The following COBL variants were observed in gnomAD, a reference collection of about 807,000 sequenced individuals.
COBL encodes the protein cordon-bleu WH2 repeat protein, also known as protein cordon-bleu.
COBL carries 51 observed loss-of-function variants against 98.8 expected under a neutral mutation model. The observed-to-expected ratio is 0.52, with a 90% CI of 0.41 to 0.65. COBL has a LOEUF of 0.65. COBL is among the 30% of genes least tolerant of loss of function. COBL has a pLI of 0.00. For missense variants in COBL, 1,617 were observed against 1,617.5 expected (o/e 1.00, Z 0.01); for synonymous variants, 634 against 651.7 (o/e 0.97, Z 0.41).
chr7:51,261,565 A>G (rs145318910), intron 1 of COBL, among the ~76,000 whole-genome samples: 1 of 152,332 alleles, frequency 6.6e-6, no homozygotes, highest in East Asian at 1.9e-4. Flanking sequence ...TGTTTGGTGG[A>G]GAGCTGACGC....
intron 7 of COBL, among the ~76,000 whole-genome samples, chr7:51,064,163 G>C (rs1029125293): frequency 2.6e-5 from 4 of 152,188 alleles, no homozygotes; most frequent in Admixed American, 6.5e-5. Flanking sequence ...TAAGCCAATG[G>C]GTGTGTGGCA....
intron 2 of COBL, among the ~76,000 whole-genome samples, chr7:51,197,607 T>C (rs535912234): frequency 6.6e-6 from 1 of 152,282 alleles, no homozygotes; most frequent in African/African-American, 2.4e-5. Flanking sequence ...ATATTGTCAG[T>C]GGGGTGTTAA....
intron 4 of COBL, among the ~76,000 whole-genome samples, chr7:51,186,869 G>A (rs1302577740): frequency 6.6e-6 from 1 of 152,194 alleles, no homozygotes; most frequent in Non-Finnish European, 1.5e-5. Context: ...AAAATTTCCA[G>A]AGGCTGCCCA....
rs770546382 is a variant in COBL, at chr7:51,043,592, C to T, written c.1197G>A (p.Ala399=). 21 of 1,614,208 alleles carry T rather than the reference C, an allele frequency of 1.3e-5. No homozygotes were observed. The highest frequency in any genetic ancestry group is 6.7e-5 in the Admixed American group (4 of 60,026). Residue 399 remains alanine, a synonymous_variant, in exon 8 of 13, where the codon GCG becomes GCA. Transcript: ENST00000265136. ...CTGAGTCCTCGGTCGTGTCCTCCGA[C>T]GCAAAACAGCTGCCAACTGACACGG... ...EETVSVGSCF[A]SEDTTEDSGV... is the part of the protein sequence containing the mutation.
chr7:51,272,624 T>C (rs1004183741), intron 1 of COBL, among the ~76,000 whole-genome samples: 1 of 152,256 alleles, frequency 6.6e-6, no homozygotes, highest in African/African-American at 2.4e-5. Flanking sequence ...CAAGTTCCAA[T>C]CTAGATCTGA....
chr7:51,128,360 T>C (rs948512526), intron 6 of COBL, among the ~76,000 whole-genome samples: 4 of 152,140 alleles, frequency 2.6e-5, no homozygotes, highest in African/African-American at 9.7e-5. Context: ...AAGTGGGATA[T>C]GTGTGCGTGT....
intron 2 of COBL, among the ~76,000 whole-genome samples, chr7:51,195,810 T>G (rs1563023707): frequency 6.6e-6 from 1 of 152,168 alleles, no homozygotes; most frequent in African/African-American, 2.4e-5. Flanking sequence ...CTGTTATTGG[T>G]TTTTAGGAAT....
chr7:51,252,111 C>A (rs1480252556), intron 1 of COBL, among the ~76,000 whole-genome samples: 1 of 152,032 alleles, frequency 6.6e-6, no homozygotes, highest in African/African-American at 2.4e-5. Context: ...AAGGTTCGTG[C>A]ACTGCATTTC....
intron 6 of COBL, among the ~76,000 whole-genome samples, chr7:51,135,222 C>CA (rs1799123172): frequency 6.6e-6 from 1 of 152,192 alleles, no homozygotes; most frequent in South Asian, 2.1e-4. Context: ...CTTGGCCTCC[C>CA]AAAGCGCCGG....
At chr7:51,035,000 A>G (rs888024831) in intron 8 of COBL, 1 of 151,420 alleles carries the variant, frequency 6.6e-6, no homozygotes. Flanking sequence ...GGCATGCAAT[A>G]TGAGGGACAC....
intron 6 of COBL, among the ~76,000 whole-genome samples, chr7:51,089,275 A>G (rs1794578048): frequency 6.6e-6 from 1 of 152,100 alleles, no homozygotes; most frequent in African/African-American, 2.4e-5. Context: ...GCACTTTGGG[A>G]GGCTGAGGCG....
intron 1 of COBL, among the ~76,000 whole-genome samples, chr7:51,248,325 G>A (rs1796440051): frequency 6.6e-6 from 1 of 152,124 alleles, no homozygotes; most frequent in African/African-American, 2.4e-5. Context: ...ATTTTATGGG[G>A]AAGACTACAC....
intron 1 of COBL, among the ~76,000 whole-genome samples, chr7:51,285,194 C>T (rs974632901): frequency 6.6e-6 from 1 of 152,140 alleles, no homozygotes; most frequent in African/African-American, 2.4e-5. Flanking sequence ...ATCCACCCGC[C>T]TCAGCCTCCT....
At chr7:51,138,263 C>T (rs887801930) in intron 5 of COBL, among the ~76,000 whole-genome samples, 1 of 152,160 alleles carries the variant, frequency 6.6e-6, no homozygotes, top group Non-Finnish European at 1.5e-5. Context: ...GTAAATTGTT[C>T]CCTTGAGTCC....
At chr7:51,239,230 G>A (rs1298558022) in intron 1 of COBL, among the ~76,000 whole-genome samples, 1 of 152,130 alleles carries the variant, frequency 6.6e-6, no homozygotes, top group African/African-American at 2.4e-5. Context: ...CACAGGATGA[G>A]ATAGGAGGTC....
chr7:51,072,631 A>G (rs1038104160), intron 7 of COBL: 3 of 152,244 alleles, frequency 2.0e-5, no homozygotes, highest in Non-Finnish European at 4.4e-5. Flanking sequence ...TCAAGTAAGT[A>G]CTATGTCACT....
intron 6 of COBL, among the ~76,000 whole-genome samples, chr7:51,101,402 G>A (rs1795791534): frequency 6.6e-6 from 1 of 152,178 alleles, no homozygotes. Flanking sequence ...CCCCCAAAGG[G>A]AGGTAATTTT....
At chr7:51,079,071 G>A (rs552730297) in intron 7 of COBL, among the ~76,000 whole-genome samples, 26 of 152,244 alleles carry the variant, frequency 1.7e-4, no homozygotes, top group African/African-American at 4.8e-4. Context: ...GTCAGCATTC[G>A]TGGCAAGAGG....
At chr7:51,316,471 T>C in intron 1 of COBL, 122 bp downstream of exon 1, 2 of 695,866 alleles carry the variant, frequency 2.9e-6, no homozygotes, top group African/African-American at 1.9e-5. Flanking sequence ...GCTCCACCAC[T>C]ACCACCAGCA....
Sources: gnomAD v4.1 joint callset for allele counts (sites outside exome capture counted in the v4.1 genomes callset) on GRCh38, gnomAD v4.1.1 for gene constraint, MANE v1.5 for transcripts, NCBI Gene and HGNC (gene_info 2026-07-23, HGNC 2026-07-21) for gene names.